Variants in FSTL5 observed in about 807,000 individuals in gnomAD.
FSTL5 encodes the protein follistatin-related protein 5.
A neutral mutation model predicts 89.1 loss-of-function variants in FSTL5; 62 were observed. That is an observed-to-expected ratio of 0.70 (90% confidence interval 0.57 to 0.86). FSTL5 has a LOEUF of 0.86. Among genes scored for constraint, FSTL5 ranks in the 40% least tolerant of loss-of-function variants. The pLI is 0.00. For missense variants in FSTL5, 1,057 were observed against 1,001.6 expected (o/e 1.06, Z -0.75); for synonymous variants, 383 against 346.2 (o/e 1.11, Z -1.18).
intron 15 of FSTL5, among the ~76,000 whole-genome samples, chr4:161,441,278 A>G (rs1174863791): frequency 6.6e-6 from 1 of 152,142 alleles, no homozygotes; most frequent in Non-Finnish European, 1.5e-5. Flanking sequence ...CAACACCAAT[A>G]TTAAAACTCC....
At chr4:161,577,206 G>T (rs1207563709) in intron 8 of FSTL5, among the ~76,000 whole-genome samples, 2 of 151,972 alleles carry the variant, frequency 1.3e-5, no homozygotes, top group Admixed American at 1.3e-4. Context: ...TGTATGTAGG[G>T]CTGATGCTGT....
intron 3 of FSTL5, among the ~76,000 whole-genome samples, chr4:161,992,599 T>C (rs896919227): frequency 6.6e-6 from 1 of 151,452 alleles, no homozygotes; most frequent in African/African-American, 2.4e-5. Context: ...TCCCAGCACT[T>C]TGGAAAGCCA....
intron 2 of FSTL5, among the ~76,000 whole-genome samples, chr4:162,079,587 T>C (rs116435790): frequency 0.013 from 1,926 of 151,630 alleles, 42 homozygotes; most frequent in African/African-American, 0.044. Context: ...ATGTAAATAT[T>C]TGATTATGGT....
intron 8 of FSTL5, among the ~76,000 whole-genome samples, chr4:161,572,648 C>T (rs1219415912): frequency 6.6e-6 from 1 of 152,004 alleles, no homozygotes; most frequent in Non-Finnish European, 1.5e-5. Context: ...ATTTTTAAAG[C>T]TTATAATTTC....
chr4:162,111,366 G>T lies in FSTL5; in HGVS notation c.31C>A (p.Leu11Ile). 1 of 1,612,250 alleles carries T rather than the reference G, an allele frequency of 6.2e-7. No homozygotes were observed. The highest frequency in any genetic ancestry group is 2.2e-5 in the East Asian group (1 of 44,778). The change falls in exon 2 of 16, where the codon CTC becomes ATC. Residue 11 changes from leucine (L) to isoleucine (I), a missense_variant. Physicochemically the swap from Leu to Ile is conservative, Grantham distance 5. Transcript: ENST00000306100. ...TCCGACTCCAGAAAAATGAATCCGAGAACCAAGACAACTGACCAGCACTTA... is the reference window on the plus strand; with the variant it reads ...TCCGACTCCAGAAAAATGAATCCGATAACCAAGACAACTGACCAGCACTTA... MFKCWSVVLVLGFIFLESEGR... is the reference protein window; with the variant it reads MFKCWSVVLVIGFIFLESEGR...
At chr4:161,423,435 G>C (rs1372890469) in intron 15 of FSTL5, among the ~76,000 whole-genome samples, 4 of 152,202 alleles carry the variant, frequency 2.6e-5, no homozygotes. Context: ...GACTATATGT[G>C]TTTGAATTTT....
At chr4:161,665,443 C>T (rs1472063291) in intron 6 of FSTL5, among the ~76,000 whole-genome samples, 1 of 152,052 alleles carries the variant, frequency 6.6e-6, no homozygotes. Flanking sequence ...CCGTGTTAGC[C>T]AGGATGGTCT....
At chr4:161,726,256 T>TCA (rs1190256127) in intron 6 of FSTL5, among the ~76,000 whole-genome samples, 1 of 134,434 alleles carries the variant, frequency 7.4e-6, no homozygotes, top group Admixed American at 8.4e-5. Context: ...AGACGGAATC[T>TCA]CACTCTCTTA....
intron 9 of FSTL5, among the ~76,000 whole-genome samples, chr4:161,541,425 T>G (rs552017183): frequency 1.3e-5 from 2 of 152,194 alleles, no homozygotes; most frequent in South Asian, 4.1e-4. Context: ...TATTTAGACT[T>G]TTATTCATTT....
At chr4:161,831,474 TA>T (rs1730842417) in intron 4 of FSTL5, among the ~76,000 whole-genome samples, 1 of 151,696 alleles carries the variant, frequency 6.6e-6, no homozygotes, top group African/African-American at 2.4e-5. Context: ...AACTTAGAAA[TA>T]AAATTGAAAG....
At chr4:161,808,068 A>G (rs1284065033) in intron 4 of FSTL5, among the ~76,000 whole-genome samples, 2 of 152,186 alleles carry the variant, frequency 1.3e-5, no homozygotes, top group Non-Finnish European at 2.9e-5. Flanking sequence ...AGGTTATAGC[A>G]ATTTTCAACA....
chr4:161,574,895 G>C (rs1471916219), intron 8 of FSTL5, among the ~76,000 whole-genome samples: 1 of 152,162 alleles, frequency 6.6e-6, no homozygotes, highest in Non-Finnish European at 1.5e-5. Context: ...GGCATTTCCA[G>C]TTCTCGATCT....
At chr4:161,517,398 A>C (rs1188147121) in intron 10 of FSTL5, among the ~76,000 whole-genome samples, 3 of 152,234 alleles carry the variant, frequency 2.0e-5, no homozygotes, top group African/African-American at 7.2e-5. Context: ...TTCACTACAT[A>C]ACTGAAATGT....
intron 7 of FSTL5, among the ~76,000 whole-genome samples, chr4:161,603,874 C>T (rs1003171420): frequency 1.3e-5 from 2 of 152,030 alleles, no homozygotes; most frequent in Non-Finnish European, 2.9e-5. Flanking sequence ...GGGGCAACAA[C>T]GTCAGTTCCC....
At position 161,981,534 on chromosome 4, in the gene FSTL5, A is replaced by T. The variant is rs189407286; in HGVS notation, c.160+52091T>A. 8.3e-4 allele frequency among the ~76,000 whole-genome samples: 126 copies of T among 152,260 alleles called. 1 individual carries two copies. The highest frequency in any genetic ancestry group is 2.9e-3 in the African/African-American group (119 of 41,566). On this transcript the variant is annotated intron_variant, in intron 3 of 15. Transcript: ENST00000306100. ...CACCACTTGTACTTTTGAAATTGACATGTATATTGACCATATTTCTCCCAT... is the reference window on the plus strand; with the variant it reads ...CACCACTTGTACTTTTGAAATTGACTTGTATATTGACCATATTTCTCCCAT...
At chr4:161,519,344 G>A (rs1312922387) in intron 10 of FSTL5, among the ~76,000 whole-genome samples, 1 of 151,996 alleles carries the variant, frequency 6.6e-6, no homozygotes, top group Non-Finnish European at 1.5e-5. Context: ...GGCTAACCTG[G>A]TGAAACCCTG....
chr4:161,761,205 G>A (rs1422332207), intron 5 of FSTL5, among the ~76,000 whole-genome samples: 1 of 152,138 alleles, frequency 6.6e-6, no homozygotes, highest in African/African-American at 2.4e-5. Context: ...AGTCCAGCTG[G>A]ATGGATTAAC....
Position 161,651,020 on chromosome 4 carries a change from T to C in FSTL5, c.894+5308A>G, listed in dbSNP as rs551110606. Reference sequence around the variant, plus strand: ...CTTCTCTTTTTCTTTCACCCCTGACTGCCAATCCTGACAACCAATTCTATT... The same window carrying C: ...CTTCTCTTTTTCTTTCACCCCTGACCGCCAATCCTGACAACCAATTCTATT... On this transcript the variant is annotated intron_variant, in intron 7 of 15. Transcript: ENST00000306100. 1.7e-3 allele frequency among the ~76,000 whole-genome samples: 259 copies of C among 152,266 alleles called. 1 individual carries two copies. The highest frequency in any genetic ancestry group is 3.2e-3 in the Non-Finnish European group (220 of 68,000).
chr4:161,554,385 A>T (rs1732318692), intron 8 of FSTL5, among the ~76,000 whole-genome samples: 1 of 151,546 alleles, frequency 6.6e-6, no homozygotes, highest in Non-Finnish European at 1.5e-5. Flanking sequence ...TATTAGAAAG[A>T]TTCTAATGTG....
Sources: gnomAD v4.1 joint callset for allele counts (sites outside exome capture counted in the v4.1 genomes callset) on GRCh38, gnomAD v4.1.1 for gene constraint, MANE v1.5 for transcripts, NCBI Gene and HGNC (gene_info 2026-07-23, HGNC 2026-07-21) for gene names.